The following LRP5 variants were observed in gnomAD, a reference collection of about 807,000 sequenced individuals.
LRP5 encodes low-density lipoprotein receptor-related protein 5.
A neutral mutation model predicts 154.1 loss-of-function variants in LRP5; 62 were observed. That is an observed-to-expected ratio of 0.40 (90% CI 0.33 to 0.50). The LOEUF (loss-of-function observed/expected upper bound fraction) is 0.50, where lower values mean the gene tolerates loss of function less well. LRP5 is among the 20% of genes least tolerant of loss of function. LRP5 has a pLI of 0.55. For missense variants in LRP5, 1,915 were observed against 2,336.7 expected (o/e 0.82, Z 3.72); for synonymous variants, 966 against 1,011.5 (o/e 0.96, Z 0.85).
intron 1 of LRP5, among the ~76,000 whole-genome samples, chr11:68,313,071 C>T (rs2153110384): frequency 6.8e-6 from 1 of 147,240 alleles, no homozygotes; most frequent in African/African-American, 2.5e-5. Context: ...GCGGCGCGGG[C>T]GGGTCCTCAC....
chr11:68,418,558 G>T (rs1385283721), intron 13 of LRP5, among the ~76,000 whole-genome samples: 1 of 152,220 alleles, frequency 6.6e-6, no homozygotes, highest in Non-Finnish European at 1.5e-5. Flanking sequence ...TCCGCCGTCG[G>T]TTTCGCTGTT....
At chr11:68,370,361 G>C (rs1235338073) in intron 5 of LRP5, among the ~76,000 whole-genome samples, 3 of 152,010 alleles carry the variant, frequency 2.0e-5, no homozygotes, top group Admixed American at 6.6e-5. Flanking sequence ...GCGGGGGAGA[G>C]GGGGGGACAG....
At chr11:68,388,492 G>T (rs1191858943) in intron 6 of LRP5, among the ~76,000 whole-genome samples, 2 of 152,096 alleles carry the variant, frequency 1.3e-5, no homozygotes, top group East Asian at 3.8e-4. Flanking sequence ...GGGCTGGCCG[G>T]CTGGGTCAGA....
chr11:68,317,992 A>G (rs1404617565), intron 1 of LRP5, among the ~76,000 whole-genome samples: 1 of 151,168 alleles, frequency 6.6e-6, no homozygotes, highest in African/African-American at 2.4e-5. Context: ...ATTGGAGTGT[A>G]TTTAATTTAA....
intron 1 of LRP5, among the ~76,000 whole-genome samples, chr11:68,346,783 C>G (rs1205897760): frequency 2.0e-5 from 3 of 152,226 alleles, no homozygotes; most frequent in African/African-American, 7.2e-5. Context: ...ACTGATGGAG[C>G]TCCCTGGAGG....
chr11:68,430,106 T>C (rs1311088030), intron 17 of LRP5, among the ~76,000 whole-genome samples: 1 of 152,214 alleles, frequency 6.6e-6, no homozygotes, highest in Non-Finnish European at 1.5e-5. Context: ...ATGATTTCTG[T>C]TATTTTAAAT....
rs182793720 is a variant in LRP5, at chr11:68,437,287, C to T, written c.4111+288C>T. 1.4e-3 allele frequency among the ~76,000 whole-genome samples: 214 copies of T among 152,370 alleles called. 2 individuals are homozygous for T. Among genetic ancestry groups the T allele is most frequent in the East Asian group, 3.9e-4 (2 of 5,184 alleles). Reference sequence around the variant, plus strand: ...CCACCCACGGGACCTTGCTGAGCAGCGTCTGTCAGGCAGCAAGATTACCCG... The same window carrying T: ...CCACCCACGGGACCTTGCTGAGCAGTGTCTGTCAGGCAGCAAGATTACCCG... On this transcript the variant is annotated intron_variant, in intron 19 of 22. Coordinates refer to ENST00000294304, the MANE Select transcript of LRP5 (RefSeq NM_002335.4).
upstream of LRP5, among the ~76,000 whole-genome samples, chr11:68,311,917 T>G (rs949381815): frequency 6.6e-6 from 1 of 152,240 alleles, no homozygotes; most frequent in Non-Finnish European, 1.5e-5. Flanking sequence ...GCACGTCTTC[T>G]TCCTGGAGGG....
chr11:68,350,496 G>A (rs1203174416), intron 2 of LRP5, among the ~76,000 whole-genome samples: 1 of 152,254 alleles, frequency 6.6e-6, no homozygotes, highest in African/African-American at 2.4e-5. Flanking sequence ...GAGTAGGACT[G>A]AAGACCCCTG....
chr11:68,322,236 C>T (rs2098597163), intron 1 of LRP5, among the ~76,000 whole-genome samples: 1 of 152,108 alleles, frequency 6.6e-6, no homozygotes, highest in Non-Finnish European at 1.5e-5. Flanking sequence ...AGCTCTGTCC[C>T]CTGCCCTCTC....
At chr11:68,319,880 G>A (rs182383470) in intron 1 of LRP5, among the ~76,000 whole-genome samples, 1 of 152,060 alleles carries the variant, frequency 6.6e-6, no homozygotes, top group Admixed American at 6.6e-5. Context: ...TATTGAGGCC[G>A]GGCACAGTGG....
chr11:68,402,952 T>C (rs2098653419), intron 7 of LRP5, among the ~76,000 whole-genome samples: 1 of 152,084 alleles, frequency 6.6e-6, no homozygotes, highest in South Asian at 2.1e-4. Flanking sequence ...GGCATCCTAG[T>C]GAAAACATCA....
chr11:68,354,205 T>G (rs548695851), intron 2 of LRP5, among the ~76,000 whole-genome samples: 3 of 152,306 alleles, frequency 2.0e-5, no homozygotes, highest in Admixed American at 2.0e-4. Flanking sequence ...GCTCTTTTCT[T>G]CGGAAGTCGA....
At chr11:68,355,956 C>T (rs2098622834) in intron 2 of LRP5, among the ~76,000 whole-genome samples, 1 of 152,000 alleles carries the variant, frequency 6.6e-6, no homozygotes, top group Non-Finnish European at 1.5e-5. Flanking sequence ...TCTCCTGCCT[C>T]AGCCTCCCGA....
At chr11:68,358,576 G>C (rs539118980) in intron 3 of LRP5, among the ~76,000 whole-genome samples, 8 of 152,296 alleles carry the variant, frequency 5.3e-5, no homozygotes, top group African/African-American at 1.9e-4. Context: ...CCCAGCTCAG[G>C]CATCCTGAGG....
intron 5 of LRP5, among the ~76,000 whole-genome samples, chr11:68,375,092 C>T (rs905360600): frequency 6.6e-6 from 1 of 152,234 alleles, no homozygotes; most frequent in African/African-American, 2.4e-5. Flanking sequence ...TTGCAGGGTG[C>T]GGGGCCTGGT....
At chr11:68,432,517 G>A (rs1044541291) in intron 17 of LRP5, among the ~76,000 whole-genome samples, 2 of 152,240 alleles carry the variant, frequency 1.3e-5, no homozygotes, top group Admixed American at 6.5e-5. Context: ...ACTCGGGTGA[G>A]CCCAGTAGTC....
intron 5 of LRP5, among the ~76,000 whole-genome samples, chr11:68,383,736 G>T (rs753276873): frequency 3.3e-5 from 5 of 152,230 alleles, no homozygotes; most frequent in Non-Finnish European, 7.4e-5. Context: ...CCATGAGGCC[G>T]ACTGTTGGTA....
intron 1 of LRP5, among the ~76,000 whole-genome samples, chr11:68,343,220 C>A (rs1436124296): frequency 6.6e-6 from 1 of 152,204 alleles, no homozygotes; most frequent in East Asian, 1.9e-4. Context: ...CAATCTATGT[C>A]ATTGTTGTCC....
Sources: gnomAD v4.1 joint callset for allele counts (sites outside exome capture counted in the v4.1 genomes callset) on GRCh38, gnomAD v4.1.1 for gene constraint, MANE v1.5 for transcripts, NCBI Gene and HGNC (gene_info 2026-07-23, HGNC 2026-07-21) for gene names.